SGCG: variants seen among roughly 807,000 people sequenced by gnomAD.
The protein encoded by SGCG is sarcoglycan gamma, also known as gamma-sarcoglycan.
A neutral mutation model predicts 29.3 loss-of-function variants in SGCG; 26 were observed. That is an observed-to-expected ratio of 0.89 (90% CI 0.65 to 1.23). The LOEUF (loss-of-function observed/expected upper bound fraction) is 1.23. SGCG is among the 50% of genes most tolerant of loss of function. The pLI is 0.00. For synonymous variants in SGCG, 145 were observed against 129.7 expected, an observed-to-expected ratio of 1.12 and a Z score of -0.80; for missense variants, 353 against 356.0, an observed-to-expected ratio of 0.99 and a Z score of 0.07.
chr13:23,176,511 T>A (rs1565987318), upstream of SGCG, among the ~76,000 whole-genome samples: 1 of 152,310 alleles, frequency 6.6e-6, no homozygotes, highest in East Asian at 1.9e-4. Flanking sequence ...ATCTTTTTTT[T>A]ATAGTTTTTG....
At chr13:23,233,203 G>T (rs1191935221) in intron 2 of SGCG, among the ~76,000 whole-genome samples, 3 of 152,030 alleles carry the variant, frequency 2.0e-5, no homozygotes, top group African/African-American at 7.2e-5. Flanking sequence ...GCAAAATATG[G>T]TTTGTACACA....
chr13:23,324,397 A>AC lies in SGCG; in HGVS notation c.735dup (p.Lys246GlnfsTer73), dbSNP rs797044783. The AC allele has an allele frequency of 6.2e-7, 1 of 1,614,156 alleles. No individual in the cohort carries two copies. The highest frequency in any genetic ancestry group is 8.5e-7 in the Non-Finnish European group (1 of 1,180,022). On this transcript the variant is annotated frameshift_variant, in exon 8 of 8. Coordinates refer to ENST00000218867, the MANE Select transcript of SGCG (RefSeq NM_000231.3). LOFTEE classifies it low-confidence loss of function (END_TRUNC). ...TGCTTGATGCTGAAACTGTGTGCTT[A>AC]CCCAAGCTGGTGCAGGGGACGTGGG...
At chr13:23,211,452 G>C (rs1878207438) in intron 2 of SGCG, among the ~76,000 whole-genome samples, 1 of 152,108 alleles carries the variant, frequency 6.6e-6, no homozygotes, top group African/African-American at 2.4e-5. Context: ...ACCGGGGAGA[G>C]GGGGTAGAAA....
intron 4 of SGCG, among the ~76,000 whole-genome samples, chr13:23,257,579 G>C (rs941441704): frequency 9.9e-5 from 15 of 152,056 alleles, no homozygotes; most frequent in Non-Finnish European, 1.9e-4. Context: ...TTTTGACTTT[G>C]GTTGCCATTG....
chr13:23,314,902 G>C (rs1379822429), intron 6 of SGCG, among the ~76,000 whole-genome samples: 1 of 152,148 alleles, frequency 6.6e-6, no homozygotes, highest in East Asian at 1.9e-4. Flanking sequence ...CCTCATTTGG[G>C]TGTGTTACTT....
At chr13:23,228,039 G>T (rs966319593) in intron 2 of SGCG, among the ~76,000 whole-genome samples, 2 of 151,944 alleles carry the variant, frequency 1.3e-5, no homozygotes, top group African/African-American at 4.8e-5. Context: ...TTCAACTCCT[G>T]GGCTGAAGCT....
intron 4 of SGCG, among the ~76,000 whole-genome samples, chr13:23,271,089 G>A (rs377509264): frequency 2.0e-5 from 3 of 152,162 alleles, no homozygotes; most frequent in East Asian, 3.9e-4. Context: ...GCACGCGCCC[G>A]TAATCCCAGC....
At chr13:23,310,985 T>C (rs1882576370) in intron 6 of SGCG, among the ~76,000 whole-genome samples, 2 of 152,346 alleles carry the variant, frequency 1.3e-5, no homozygotes, top group Middle Eastern at 3.4e-3. Flanking sequence ...CATTTTGTAA[T>C]GTCCACTGCT....
intron 6 of SGCG, among the ~76,000 whole-genome samples, chr13:23,298,449 A>C (rs897703241): frequency 1.3e-5 from 2 of 152,208 alleles, no homozygotes; most frequent in African/African-American, 4.8e-5. Context: ...TATATATTTA[A>C]TGTCCAATTA....
chr13:23,213,898 G>A (rs1178510035), intron 2 of SGCG, among the ~76,000 whole-genome samples: 2 of 152,176 alleles, frequency 1.3e-5, no homozygotes, highest in Non-Finnish European at 2.9e-5. Context: ...CCTGGGGCTG[G>A]CTTCTGTGTG....
rs144507532 is a variant in SGCG, at chr13:23,266,529, C to G, written c.386-12830C>G. 3.9e-3 allele frequency among the ~76,000 whole-genome samples: 593 copies of G among 152,016 alleles called. 4 individuals are homozygous for G. The highest frequency in any genetic ancestry group is 7.2e-3 in the Non-Finnish European group (491 of 67,980). ...AAGGCATACAGAGTGGTAAAATGAGCGTTGGAGGCTCAGAAGAGGGGAAAG... is the reference window on the plus strand; with the variant it reads ...AAGGCATACAGAGTGGTAAAATGAGGGTTGGAGGCTCAGAAGAGGGGAAAG... On this transcript the variant is annotated intron_variant, in intron 4 of 7. Transcript: ENST00000218867.
At chr13:23,323,040 G>A (rs916512777) in intron 7 of SGCG, among the ~76,000 whole-genome samples, 3 of 152,068 alleles carry the variant, frequency 2.0e-5, no homozygotes, top group African/African-American at 7.2e-5. Context: ...TAATAGGAAC[G>A]TGTAGTAAAG....
chr13:23,265,404 C>T, intron 4 of SGCG, among the ~76,000 whole-genome samples: 1 of 152,036 alleles, frequency 6.6e-6, no homozygotes, highest in East Asian at 1.9e-4. Context: ...TGGTGAAACC[C>T]TGTTTCTACT....
In SGCG at chr13:23,297,979, A is replaced by G. The variant is rs1372790796; in HGVS notation, c.578+2492A>G. Among the ~76,000 whole-genome samples the G allele has an allele frequency of 2.6e-5, 4 of 151,886 alleles. No individual in the cohort carries two copies. In the East Asian group the frequency reaches 5.9e-4, roughly 22 times the overall value. On this transcript the variant is annotated intron_variant, in intron 6 of 7. Coordinates refer to ENST00000218867, the MANE Select transcript of SGCG (RefSeq NM_000231.3). ...AGGCTGGTCTTGAACTCCTGAGCTCAGGTGATCTGCTCACCTTGGCCTCCC... is the reference window on the plus strand; with the variant it reads ...AGGCTGGTCTTGAACTCCTGAGCTCGGGTGATCTGCTCACCTTGGCCTCCC...
At chr13:23,216,836 C>A (rs189846216) in intron 2 of SGCG, among the ~76,000 whole-genome samples, 1 of 152,052 alleles carries the variant, frequency 6.6e-6, no homozygotes, top group Non-Finnish European at 1.5e-5. Context: ...TGTACACTTA[C>A]GCCAGTCATC....
chr13:23,307,647 A>G (rs1486129600), intron 6 of SGCG, among the ~76,000 whole-genome samples: 1 of 152,110 alleles, frequency 6.6e-6, no homozygotes, highest in Non-Finnish European at 1.5e-5. Flanking sequence ...CAAAGAAAAT[A>G]TTAGAAGTCA....
At chr13:23,160,762 G>A in the SGCG span, among the ~76,000 whole-genome samples, 2 of 152,084 alleles carry the variant, frequency 1.3e-5, no homozygotes, top group Admixed American at 6.5e-5. Flanking sequence ...TCCCTATGCC[G>A]GTTCCAGCCT....
rs115643974 is a variant in SGCG, at chr13:23,185,640, A to C, written c.-1+4565A>C. ...ATCCCTGTAGGACAGCAAAGGCGGC[A>C]AAGTGGGCAGAAGGAGATGTCAAAT... On this transcript the variant is annotated intron_variant, in intron 1 of 7. Transcript: ENST00000218867. Among the ~76,000 whole-genome samples the C allele has an allele frequency of 4.2e-3, 635 of 152,322 alleles. 6 individuals are homozygous for C. Among genetic ancestry groups the C allele is most frequent in the African/African-American group, 0.015 (617 of 41,564 alleles).
At chr13:23,276,908 A>G (rs972948993) in intron 4 of SGCG, among the ~76,000 whole-genome samples, 16 of 152,186 alleles carry the variant, frequency 1.1e-4, no homozygotes, top group Non-Finnish European at 2.1e-4. Flanking sequence ...TTAGTGAACC[A>G]CAGAATTCTT....
Sources: gnomAD v4.1 joint callset for allele counts (sites outside exome capture counted in the v4.1 genomes callset) on GRCh38, gnomAD v4.1.1 for gene constraint, MANE v1.5 for transcripts, NCBI Gene and HGNC (gene_info 2026-07-23, HGNC 2026-07-21) for gene names.